RAD51B: variants seen among roughly 807,000 people sequenced by gnomAD.
The protein encoded by RAD51B is DNA repair protein RAD51 homolog 2.
A neutral mutation model predicts 42.2 loss-of-function variants in RAD51B; 38 were observed. The ratio of observed to expected loss-of-function variants is 0.90; its 90% CI spans 0.70 to 1.18. The LOEUF is 1.18. Among genes scored for constraint, RAD51B ranks in the 50% most tolerant of loss-of-function variants. The probability of loss-of-function intolerance (pLI) is 0.00; values close to 1 mark genes in which losing one functional copy is unlikely to be tolerated. For synonymous variants in RAD51B, 154 were observed against 145.2 expected (o/e 1.06, Z -0.43); for missense variants, 373 against 400.7 (o/e 0.93, Z 0.59).
chr14:67,919,159 T>G (rs192458912), intron 7 of RAD51B, among the ~76,000 whole-genome samples: 102 of 152,314 alleles, frequency 6.7e-4, no homozygotes, highest in Admixed American at 6.7e-3. Flanking sequence ...GTTCAGACAT[T>G]AGGGAATAAA....
At chr14:68,409,210 A>C (rs1287897151) in intron 8 of RAD51B, among the ~76,000 whole-genome samples, 1 of 152,258 alleles carries the variant, frequency 6.6e-6, no homozygotes, top group Non-Finnish European at 1.5e-5. Flanking sequence ...ATGCAAATAT[A>C]GTTGCTATTG....
chr14:68,106,228 A>C (rs997523632), intron 7 of RAD51B, among the ~76,000 whole-genome samples: 1 of 151,928 alleles, frequency 6.6e-6, no homozygotes, highest in Non-Finnish European at 1.5e-5. Context: ...AGATGTTTCT[A>C]GCTTGACATA....
At chr14:68,444,188 C>T (rs2085366942) in intron 9 of RAD51B, among the ~76,000 whole-genome samples, 1 of 152,234 alleles carries the variant, frequency 6.6e-6, no homozygotes, top group Non-Finnish European at 1.5e-5. Flanking sequence ...CTGCAAGTCA[C>T]AGCACAGTGC....
intron 7 of RAD51B, among the ~76,000 whole-genome samples, chr14:68,160,242 A>G (rs1368285414): frequency 1.3e-5 from 2 of 152,174 alleles, no homozygotes; most frequent in Non-Finnish European, 1.5e-5. Flanking sequence ...GAAAGATCTT[A>G]ATAATCATCT....
chr14:67,856,165 G>T (rs1034176883), intron 4 of RAD51B, among the ~76,000 whole-genome samples: 5 of 152,128 alleles, frequency 3.3e-5, no homozygotes, highest in African/African-American at 1.2e-4. Flanking sequence ...TGCTTTTTCT[G>T]CTCTTTTCCC....
intron 1 of RAD51B, among the ~76,000 whole-genome samples, chr14:67,821,332 A>G (rs1442062254): frequency 6.6e-6 from 1 of 152,202 alleles, no homozygotes; most frequent in African/African-American, 2.4e-5. Flanking sequence ...TAAGGAACAA[A>G]TGAATGGAGT....
chr14:67,925,987 A>G (rs1312752142), intron 7 of RAD51B, among the ~76,000 whole-genome samples: 2 of 152,204 alleles, frequency 1.3e-5, no homozygotes, highest in East Asian at 3.9e-4. Flanking sequence ...CCCTGGGCCC[A>G]GCCCATGAAA....
intron 9 of RAD51B, among the ~76,000 whole-genome samples, chr14:68,452,623 C>T (rs1233608624): frequency 6.6e-6 from 1 of 152,178 alleles, no homozygotes; most frequent in African/African-American, 2.4e-5. Flanking sequence ...GACCATTGAA[C>T]TAACTCTTTA....
chr14:68,040,248 C>G (rs2140393473), intron 7 of RAD51B, among the ~76,000 whole-genome samples: 1 of 152,322 alleles, frequency 6.6e-6, no homozygotes, highest in Non-Finnish European at 1.5e-5. Flanking sequence ...ATAATCTGGT[C>G]AAGCCCTTGA....
chr14:68,332,476 TG>T (rs755424954), intron 8 of RAD51B, among the ~76,000 whole-genome samples: 2 of 152,244 alleles, frequency 1.3e-5, no homozygotes, highest in Non-Finnish European at 2.9e-5. Flanking sequence ...TTCATAGTAT[TG>T]TTTTCTTTCT....
chr14:67,899,354 T>A lies in RAD51B; in HGVS notation c.756+12150T>A, dbSNP rs1016704934. Among the ~76,000 whole-genome samples the A allele has an allele frequency of 2.0e-5, 3 of 152,278 alleles. No homozygotes were observed. The East Asian group carries it at 5.8e-4, about 29-fold the overall frequency. ...GTGAGCCACCACACCCGGCCTAGAT[T>A]ATTTTAATGTTGACTCAGTTTCTGC... On this transcript the variant is annotated intron_variant, in intron 7 of 10. Coordinates refer to ENST00000471583, the MANE Select transcript of RAD51B (RefSeq NM_133510.4).
intron 7 of RAD51B, among the ~76,000 whole-genome samples, chr14:67,923,584 C>G (rs2140140335): frequency 6.6e-6 from 1 of 152,304 alleles, no homozygotes. Flanking sequence ...CAGGCATGAG[C>G]CACTGCGACC....
chr14:67,852,485 T>C (rs1238774945), intron 4 of RAD51B, among the ~76,000 whole-genome samples: 1 of 152,210 alleles, frequency 6.6e-6, no homozygotes, highest in Admixed American at 6.5e-5. Flanking sequence ...CTTTGCGATG[T>C]GAACCTTTCC....
chr14:68,388,054 TTGTGTGTGTGTG>T (rs140319319), intron 8 of RAD51B, among the ~76,000 whole-genome samples: 2 of 120,424 alleles, frequency 1.7e-5, no homozygotes, highest in African/African-American at 6.6e-5. Context: ...GTGACTTGCA[TTGTGTGTGTGTG>T]TGTGTGTGTG....
chr14:68,342,786 T>G (rs1183447300), intron 8 of RAD51B, among the ~76,000 whole-genome samples: 1 of 152,228 alleles, frequency 6.6e-6, no homozygotes, highest in Non-Finnish European at 1.5e-5. Context: ...TCTTGTAAAT[T>G]CATACATGTC....
intron 10 of RAD51B, among the ~76,000 whole-genome samples, chr14:68,624,290 AG>A (rs1054096354): frequency 3.3e-5 from 5 of 152,190 alleles, no homozygotes; most frequent in African/African-American, 1.2e-4. Flanking sequence ...ACTCATACTT[AG>A]GGGCAAGGGC....
At chr14:68,401,912 G>A (rs763855821) in intron 8 of RAD51B, among the ~76,000 whole-genome samples, 1 of 152,162 alleles carries the variant, frequency 6.6e-6, no homozygotes, top group East Asian at 1.9e-4. Flanking sequence ...TTAATAGATA[G>A]CGTGTGGTCC....
chr14:68,541,320 T>C lies in RAD51B; in HGVS notation c.1037-53165T>C, dbSNP rs151073105. 5.3e-3 allele frequency: 5,268 copies of C among 985,472 alleles called. 28 individuals are homozygous for C. The highest frequency in any genetic ancestry group is 0.023 in the African/African-American group (1,307 of 57,368). The allele number at this position is 985,472 out of a possible 1,614,324, so 61.0% of individuals were successfully genotyped here. On this transcript the variant is annotated intron_variant, in intron 10 of 10. Transcript: ENST00000487270. ...GAATAGGTGGCTAAGGAGAACTGGC[T>C]CTAACAGGCTAATAGCCTACCTGGC... is the stretch of plus-strand genomic sequence containing the variant.
chr14:68,534,893 T>A (rs2140356077), intron 10 of RAD51B, among the ~76,000 whole-genome samples: 1 of 152,288 alleles, frequency 6.6e-6, no homozygotes, highest in East Asian at 1.9e-4. Flanking sequence ...TAGCTAATAT[T>A]TATTGAGCAC....
Sources: allele counts gnomAD v4.1 joint callset (sites outside exome capture counted in the v4.1 genomes callset), GRCh38; gene constraint gnomAD v4.1.1; transcripts MANE v1.5; gene names NCBI Gene and HGNC (gene_info 2026-07-23, HGNC 2026-07-21).